The following STK38L variants were observed in gnomAD, a reference collection of about 807,000 sequenced individuals.
STK38L encodes serine/threonine-protein kinase 38-like.
A neutral mutation model predicts 59.7 loss-of-function variants in STK38L; 28 were observed. The observed-to-expected ratio is 0.47, with a 90% CI of 0.35 to 0.64. The LOEUF (loss-of-function observed/expected upper bound fraction) is 0.64, where lower values mean the gene tolerates loss of function less well. Ranked by LOEUF, STK38L falls within the 30% of genes least tolerant of loss-of-function variation. The pLI, the probability that STK38L is intolerant of heterozygous loss-of-function variation, is 0.01. For missense variants in STK38L, 314 were observed against 555.8 expected, an observed-to-expected ratio of 0.56 and a Z score of 4.37; for synonymous variants, 162 against 176.8, an observed-to-expected ratio of 0.92 and a Z score of 0.66.
intron 1 of STK38L, among the ~76,000 whole-genome samples, chr12:27,261,487 A>G (rs951541196): frequency 2.0e-5 from 3 of 152,152 alleles, no homozygotes; most frequent in Non-Finnish European, 4.4e-5. Flanking sequence ...TTTGTTGCTA[A>G]CACCTTTCCC....
chr12:27,263,008 A>C (rs1943233847), intron 1 of STK38L, among the ~76,000 whole-genome samples: 1 of 152,042 alleles, frequency 6.6e-6, no homozygotes, highest in Non-Finnish European at 1.5e-5. Flanking sequence ...CACATTGGCC[A>C]GGCTAGTCTT....
Position 27,253,845 on chromosome 12 carries a change from A to G in STK38L, c.-12+9513A>G, listed in dbSNP as rs181675546. 3.0e-4 allele frequency among the ~76,000 whole-genome samples: 46 copies of G among 152,342 alleles called. No homozygotes were observed. In the East Asian group the frequency reaches 6.2e-3, roughly 20 times the overall value. ...GTTGCCGTGATGCTGGACAGGAGCAATGAACTTTTATTTGCTGTCTATTTA... is the reference window on the plus strand; with the variant it reads ...GTTGCCGTGATGCTGGACAGGAGCAGTGAACTTTTATTTGCTGTCTATTTA... On this transcript the variant is annotated intron_variant, in intron 1 of 13. Transcript: ENST00000389032.
rs77810281 is a variant in STK38L, at chr12:27,286,224, T to C, written c.-11-11486T>C. ...TACCTGAAAAACCACCTCTAAGTGC[T>C]GAAAAGTGCAACTTGATTCCCCTTT... On this transcript the variant is annotated intron_variant, in intron 1 of 13. Coordinates refer to ENST00000389032, the MANE Select transcript of STK38L (RefSeq NM_015000.4). Among the ~76,000 whole-genome samples, 1,262 of 152,286 alleles carry C rather than the reference T, an allele frequency of 8.3e-3. 20 individuals carry two copies. Among genetic ancestry groups the C allele is most frequent in the African/African-American group, 0.029 (1,214 of 41,566 alleles).
Position 27,322,187 on chromosome 12 carries a change from A to G in STK38L, c.1220A>G (p.Asp407Gly), listed in dbSNP as rs1247184826. Residue 407 changes from aspartate to glycine, a missense_variant, in exon 13 of 14, where the codon GAT (aspartate) becomes GGT (glycine). By Grantham distance (94) the Asp-to-Gly change is moderately conservative. Transcript: ENST00000389032. ...AIPIEIKSIDDTSNFDDFPES... is the reference protein window; with the variant it reads ...AIPIEIKSIDGTSNFDDFPES... ...CCTATAGAAATCAAAAGCATTGATG[A>G]TACTTCAAATTTTGATGACTTCCCT... is the stretch of plus-strand genomic sequence containing the variant. 1 of 1,613,986 alleles carries G rather than the reference A, an allele frequency of 6.2e-7. No homozygotes were observed. Among genetic ancestry groups the G allele is most frequent in the Non-Finnish European group, 8.5e-7 (1 of 1,179,940 alleles).
chr12:27,307,932 C>G (rs1161591127), intron 3 of STK38L, among the ~76,000 whole-genome samples: 1 of 152,076 alleles, frequency 6.6e-6, no homozygotes, highest in East Asian at 1.9e-4. Context: ...TTTATTGTCA[C>G]AAGTCTCAGT....
intron 1 of STK38L, among the ~76,000 whole-genome samples, chr12:27,267,190 T>G (rs1288873554): frequency 6.6e-6 from 1 of 152,194 alleles, no homozygotes; most frequent in African/African-American, 2.4e-5. Flanking sequence ...AAACGTTAAA[T>G]TGTTTTTTTA....
chr12:27,319,053 A>G (rs1944660609), intron 11 of STK38L, among the ~76,000 whole-genome samples: 1 of 152,188 alleles, frequency 6.6e-6, no homozygotes, highest in South Asian at 2.1e-4. Context: ...TTTTCTCAGT[A>G]TATCAAGTGA....
intron 1 of STK38L, among the ~76,000 whole-genome samples, chr12:27,294,707 G>T (rs1943971855): frequency 6.8e-6 from 1 of 147,864 alleles, no homozygotes; most frequent in Non-Finnish European, 1.5e-5. Context: ...TTCCTTCTTT[G>T]ACCTTTTTTT....
rs767429248 is a variant in STK38L, at chr12:27,312,581, G to A, written c.426G>A (p.Leu142=). 2 of 1,613,926 alleles carry A rather than the reference G, an allele frequency of 1.2e-6. No homozygotes were observed. The highest frequency in any genetic ancestry group is 1.7e-6 in the Non-Finnish European group (2 of 1,179,964). ...ATATCCGAGCAGAAAGAGATATTTTGGTAGAAGCAGATGGTGCCTGGGTGG... is the reference window on the plus strand; with the variant it reads ...ATATCCGAGCAGAAAGAGATATTTTAGTAGAAGCAGATGGTGCCTGGGTGG... ...VAHIRAERDI[L]VEADGAWVVK... The change falls in exon 6 of 14, where the codon TTG becomes TTA. Residue 142 remains leucine, a synonymous_variant. Coordinates refer to ENST00000389032, the MANE Select transcript of STK38L (RefSeq NM_015000.4).
intron 1 of STK38L, among the ~76,000 whole-genome samples, chr12:27,260,433 G>A (rs1008884141): frequency 6.6e-6 from 1 of 152,094 alleles, no homozygotes; most frequent in Non-Finnish European, 1.5e-5. Context: ...AACCTAATAA[G>A]TGTGAATTCT....
chr12:27,271,042 A>G (rs773654397), intron 1 of STK38L, among the ~76,000 whole-genome samples: 2 of 152,188 alleles, frequency 1.3e-5, no homozygotes, highest in African/African-American at 2.4e-5. Context: ...ATTTCTTCAA[A>G]TTGACCCTTA....
intron 1 of STK38L, among the ~76,000 whole-genome samples, chr12:27,252,463 A>C (rs950331626): frequency 6.6e-6 from 1 of 152,138 alleles, no homozygotes; most frequent in African/African-American, 2.4e-5. Flanking sequence ...AGCAGTGTTC[A>C]TTTTTACTTA....
intron 1 of STK38L, among the ~76,000 whole-genome samples, chr12:27,294,188 C>T (rs1447241790): frequency 6.6e-6 from 1 of 152,134 alleles, no homozygotes; most frequent in Non-Finnish European, 1.5e-5. Context: ...TACACCTGTC[C>T]TCCTTTTGAG....
chr12:27,275,539 A>G (rs1383661779), intron 1 of STK38L, among the ~76,000 whole-genome samples: 1 of 151,706 alleles, frequency 6.6e-6, no homozygotes, highest in East Asian at 1.9e-4. Context: ...GGGTTTCACC[A>G]TGTTGGCCAG....
intron 1 of STK38L, among the ~76,000 whole-genome samples, chr12:27,257,458 G>T (rs2136606546): frequency 6.6e-6 from 1 of 152,252 alleles, no homozygotes; most frequent in Non-Finnish European, 1.5e-5. Context: ...AGTTGACAAG[G>T]TTTCAGCTTT....
At chr12:27,283,544 G>A (rs1239987150) in intron 1 of STK38L, among the ~76,000 whole-genome samples, 2 of 152,180 alleles carry the variant, frequency 1.3e-5, no homozygotes, top group Non-Finnish European at 2.9e-5. Context: ...GGCAGAGCCA[G>A]AATTTAAATC....
At chr12:27,286,186 T>C (rs1446478002) in intron 1 of STK38L, among the ~76,000 whole-genome samples, 1 of 152,146 alleles carries the variant, frequency 6.6e-6, no homozygotes, top group Admixed American at 6.5e-5. Flanking sequence ...GAAAAAAAAT[T>C]CGAGTACTGT....
At chr12:27,314,401 C>CAAAAAAAAA (rs35096255) in intron 6 of STK38L, 103 bp from the exon 7 acceptor site, 3 of 677,434 alleles carry the variant, frequency 4.4e-6, no homozygotes, top group Non-Finnish European at 3.9e-6. Context: ...ACTCTGTCTC[C>CAAAAAAAAA]AAAAAAAAAA....
chr12:27,269,175 T>C (rs1943366008), intron 1 of STK38L, among the ~76,000 whole-genome samples: 1 of 152,348 alleles, frequency 6.6e-6, no homozygotes, highest in Admixed American at 6.5e-5. Flanking sequence ...TTTGGTGTTT[T>C]AGACATGAAG....
Sources: gnomAD v4.1 joint callset for allele counts (sites outside exome capture counted in the v4.1 genomes callset) on GRCh38, gnomAD v4.1.1 for gene constraint, MANE v1.5 for transcripts, NCBI Gene and HGNC (gene_info 2026-07-23, HGNC 2026-07-21) for gene names.